Variants in RAPGEF4 observed in about 807,000 individuals in gnomAD.
RAPGEF4 encodes RAP guanine-nucleotide-exchange factor (GEF) 4.
In RAPGEF4, 66 loss-of-function variants were observed where a neutral mutation model predicts 147.9. The observed-to-expected ratio is 0.45, with a 90% confidence interval of 0.37 to 0.55. RAPGEF4 has a LOEUF of 0.55. Ranked by LOEUF, RAPGEF4 falls within the 20% of genes least tolerant of loss-of-function variation. RAPGEF4 has a pLI of 0.00. For synonymous variants in RAPGEF4, 419 were observed against 442.7 expected (o/e 0.95, Z 0.67); for missense variants, 1,071 against 1,257.3 (o/e 0.85, Z 2.24).
chr2:172,903,538 C>CA (rs754217596), intron 4 of RAPGEF4, among the ~76,000 whole-genome samples: 237 of 120,288 alleles, frequency 2.0e-3, no homozygotes, highest in Admixed American at 2.7e-3. Flanking sequence ...AACTCCATCT[C>CA]AAAAAAAAAA....
At chr2:173,002,571 C>T (rs957402544) in intron 17 of RAPGEF4, among the ~76,000 whole-genome samples, 1 of 150,924 alleles carries the variant, frequency 6.6e-6, no homozygotes, top group Non-Finnish European at 1.5e-5. Flanking sequence ...ATCACTTTGG[C>T]CCTTTTGAGC....
chr2:172,829,737 A>T (rs72898301), intron 4 of RAPGEF4, among the ~76,000 whole-genome samples: 12,482 of 151,258 alleles, frequency 0.083, 561 homozygotes, highest in South Asian at 0.14. Flanking sequence ...ATGTAGGATT[A>T]GGTCGAATGT....
chr2:172,998,122 A>G (rs1559173372), intron 16 of RAPGEF4, among the ~76,000 whole-genome samples: 1 of 152,236 alleles, frequency 6.6e-6, no homozygotes, highest in Non-Finnish European at 1.5e-5. Context: ...GTTAGAAGAC[A>G]TAAAGGAATG....
intron 4 of RAPGEF4, among the ~76,000 whole-genome samples, chr2:172,899,119 ACACATTCATGTTTTATACTTTGGGTTTT>A (rs1698810826): frequency 6.6e-6 from 1 of 152,256 alleles, no homozygotes; most frequent in Admixed American, 6.5e-5. Context: ...ACTGAAAAAC[ACACATTCATGTTTTATACTTTGGGTTTT>A]CATAAGCATG....
chr2:172,932,157 T>C (rs1450146808), intron 6 of RAPGEF4, among the ~76,000 whole-genome samples: 2 of 152,192 alleles, frequency 1.3e-5, no homozygotes, highest in Non-Finnish European at 2.9e-5. Context: ...GCACAAGATA[T>C]TTGGATGAAA....
chr2:172,752,593 G>A (rs189455601), intron 1 of RAPGEF4, among the ~76,000 whole-genome samples: 1 of 152,224 alleles, frequency 6.6e-6, no homozygotes, highest in East Asian at 1.9e-4. Flanking sequence ...TAGCATCCAG[G>A]TTTTACATTC....
intron 6 of RAPGEF4, among the ~76,000 whole-genome samples, chr2:172,946,204 T>G (rs1687663222): frequency 1.3e-5 from 2 of 152,136 alleles, no homozygotes; most frequent in African/African-American, 4.8e-5. Flanking sequence ...GATACAAAAT[T>G]TTATATAAAG....
At chr2:172,750,856 T>C (rs1282165290) in intron 1 of RAPGEF4, among the ~76,000 whole-genome samples, 2 of 152,210 alleles carry the variant, frequency 1.3e-5, no homozygotes, top group African/African-American at 4.8e-5. Context: ...TGGTATCAAA[T>C]TATATAGGTT....
At chr2:172,741,027 C>T (rs1295818893) in intron 1 of RAPGEF4, among the ~76,000 whole-genome samples, 1 of 152,292 alleles carries the variant, frequency 6.6e-6, no homozygotes, top group East Asian at 1.9e-4. Context: ...AGCCAAGCTG[C>T]CAGGAGGTCA....
At chr2:172,923,100 G>A (rs1684929507) in intron 6 of RAPGEF4, among the ~76,000 whole-genome samples, 1 of 152,142 alleles carries the variant, frequency 6.6e-6, no homozygotes, top group Admixed American at 6.5e-5. Flanking sequence ...ATGTCTGTGG[G>A]AAGATATACT....
chr2:173,023,938 G>A (rs1255782495), intron 23 of RAPGEF4, among the ~76,000 whole-genome samples: 1 of 152,198 alleles, frequency 6.6e-6, no homozygotes, highest in Non-Finnish European at 1.5e-5. Flanking sequence ...CCTCTGAGAG[G>A]CAGTCGTAAA....
At chr2:172,927,736 T>C (rs1685516880) in intron 6 of RAPGEF4, among the ~76,000 whole-genome samples, 1 of 152,230 alleles carries the variant, frequency 6.6e-6, no homozygotes, top group Non-Finnish European at 1.5e-5. Context: ...CAAACTGTTT[T>C]CTGTGGAACA....
At chr2:173,019,078 T>G (rs2105910181) in intron 22 of RAPGEF4, among the ~76,000 whole-genome samples, 1 of 152,282 alleles carries the variant, frequency 6.6e-6, no homozygotes, top group African/African-American at 2.4e-5. Flanking sequence ...TTAAACTCTA[T>G]TCAAAAAAGT....
intron 29 of RAPGEF4, among the ~76,000 whole-genome samples, chr2:173,043,081 G>A (rs1377362593): frequency 6.6e-6 from 1 of 152,142 alleles, no homozygotes; most frequent in Non-Finnish European, 1.5e-5. Flanking sequence ...TTTGTTAGGT[G>A]AGACACTGTG....
intron 1 of RAPGEF4, among the ~76,000 whole-genome samples, chr2:172,753,771 T>C (rs1017461944): frequency 6.6e-6 from 1 of 152,134 alleles, no homozygotes; most frequent in African/African-American, 2.4e-5. Flanking sequence ...CTATGACTCT[T>C]CTTAACATGA....
intron 29 of RAPGEF4, among the ~76,000 whole-genome samples, chr2:173,044,600 A>T (rs148857693): frequency 6.6e-6 from 1 of 152,268 alleles, no homozygotes; most frequent in East Asian, 1.9e-4. Context: ...CCCATCTCTA[A>T]GCCCTGTAGG....
chr2:172,848,078 T>C (rs779264816), intron 4 of RAPGEF4, among the ~76,000 whole-genome samples: 6 of 152,092 alleles, frequency 3.9e-5, no homozygotes, highest in Non-Finnish European at 8.8e-5. Context: ...AGATTGAGAG[T>C]CTAGTTGGAA....
chr2:173,002,149 G>C (rs957246467), intron 17 of RAPGEF4, among the ~76,000 whole-genome samples: 2 of 152,076 alleles, frequency 1.3e-5, no homozygotes, highest in Non-Finnish European at 2.9e-5. Flanking sequence ...TTCCTCCTCC[G>C]AGCTATGGTA....
At chr2:172,876,308 G>A (rs1386246428) in intron 4 of RAPGEF4, among the ~76,000 whole-genome samples, 1 of 152,082 alleles carries the variant, frequency 6.6e-6, no homozygotes, top group African/African-American at 2.4e-5. Flanking sequence ...GGTGAGAGAG[G>A]TCATCCCTGT....
Sources: gnomAD v4.1 joint callset for allele counts (sites outside exome capture counted in the v4.1 genomes callset) on GRCh38, gnomAD v4.1.1 for gene constraint, MANE v1.5 for transcripts, NCBI Gene and HGNC (gene_info 2026-07-23, HGNC 2026-07-21) for gene names.